The following NME7 variants were observed in gnomAD, a reference collection of about 807,000 sequenced individuals.
NME7 encodes the protein nucleoside diphosphate kinase 7.
Under a neutral mutation model 49.1 loss-of-function variants are expected in NME7, and 41 were observed. That is an observed-to-expected ratio of 0.83 (90% confidence interval 0.65 to 1.08). The LOEUF is 1.08. Among genes scored for constraint, NME7 ranks in the 50% least tolerant of loss-of-function variants. The pLI, the probability that NME7 is intolerant of heterozygous loss-of-function variation, is 0.00. For missense variants in NME7, 423 were observed against 463.4 expected (o/e 0.91, Z 0.80); for synonymous variants, 139 against 150.6 (o/e 0.92, Z 0.56).
intron 1 of NME7, among the ~76,000 whole-genome samples, chr1:169,332,932 A>C (rs1317789477): frequency 1.3e-5 from 2 of 152,050 alleles, no homozygotes; most frequent in Non-Finnish European, 2.9e-5. Context: ...CAGAACTAAA[A>C]ATGATCCAGC....
At chr1:169,291,296 G>A (rs186646888) in intron 6 of NME7, among the ~76,000 whole-genome samples, 213 of 152,254 alleles carry the variant, frequency 1.4e-3, no homozygotes, top group African/African-American at 4.6e-3. Context: ...TAAAGAAAAT[G>A]GGGCACATAT....
intron 7 of NME7, among the ~76,000 whole-genome samples, chr1:169,270,537 TG>T (rs1649457819): frequency 7.4e-6 from 1 of 134,388 alleles, no homozygotes; most frequent in Non-Finnish European, 1.8e-5. Flanking sequence ...ATGTAAATGT[TG>T]GATTTTTGTT....
At chr1:169,163,306 G>A (rs191689422) in intron 11 of NME7, among the ~76,000 whole-genome samples, 90 of 151,840 alleles carry the variant, frequency 5.9e-4, no homozygotes, top group Non-Finnish European at 1.1e-3. Flanking sequence ...ATGACATCTC[G>A]TATGAGTAAC....
At chr1:169,248,639 T>G (rs1484628024) in intron 7 of NME7, among the ~76,000 whole-genome samples, 4 of 152,186 alleles carry the variant, frequency 2.6e-5, no homozygotes, top group Non-Finnish European at 4.4e-5. Flanking sequence ...TTGAACCATC[T>G]TGAGATGATT....
chr1:169,289,275 G>A (rs1010999889), intron 6 of NME7, among the ~76,000 whole-genome samples: 3 of 152,002 alleles, frequency 2.0e-5, no homozygotes, highest in Non-Finnish European at 2.9e-5. Context: ...AGTCTCCTTC[G>A]ATGGTTTTCT....
intron 10 of NME7, among the ~76,000 whole-genome samples, chr1:169,183,733 T>G (rs1571272280): frequency 6.6e-6 from 1 of 150,692 alleles, no homozygotes; most frequent in South Asian, 2.1e-4. Context: ...ACCCGGGAGG[T>G]AGAACTTGCA....
chr1:169,178,820 C>CTTTTT lies in NME7; in HGVS notation c.991-9271_991-9267dup, dbSNP rs57619644. 4.3e-3 allele frequency among the ~76,000 whole-genome samples: 531 copies of CTTTTT among 124,276 alleles called. 16 individuals carry two copies. Among genetic ancestry groups the CTTTTT allele is most frequent in the East Asian group, 6.6e-3 (27 of 4,122 alleles). The allele number at this position is 124,276 out of a possible 152,430, so 81.5% of individuals were successfully genotyped here. A position where few individuals can be genotyped will look rare whatever the true frequency, so the allele number is the denominator to read the frequency against. ...ATTAGACTTCTAGCTGAAACCTCTT[C>CTTTTT]TTTTTTTTTTTTTTTTTTGAGACAG... On this transcript the variant is annotated intron_variant, in intron 10 of 11. Coordinates refer to ENST00000367811, the MANE Select transcript of NME7 (RefSeq NM_013330.5).
intron 7 of NME7, among the ~76,000 whole-genome samples, chr1:169,278,046 C>T (rs1182679807): frequency 1.3e-5 from 2 of 151,810 alleles, no homozygotes; most frequent in African/African-American, 4.8e-5. Context: ...GAGTTTCTGC[C>T]GAGAGATCCG....
At chr1:169,218,049 G>C (rs772798849) in intron 10 of NME7, among the ~76,000 whole-genome samples, 6 of 152,104 alleles carry the variant, frequency 3.9e-5, no homozygotes, top group Non-Finnish European at 7.4e-5. Context: ...AAATATCTCA[G>C]ACTTAAATTT....
intron 11 of NME7, among the ~76,000 whole-genome samples, chr1:169,139,389 T>C: frequency 1.3e-5 from 2 of 152,234 alleles, no homozygotes; most frequent in East Asian, 3.8e-4. Flanking sequence ...CCTAAAGACA[T>C]ATCACTTTGT....
chr1:169,281,825 T>G (rs1650028081), intron 7 of NME7, among the ~76,000 whole-genome samples: 1 of 152,234 alleles, frequency 6.6e-6, no homozygotes, highest in Admixed American at 6.5e-5. Context: ...ATAAGCTTTT[T>G]GATGTGCTGC....
At chr1:169,209,851 C>T (rs952488396) in intron 10 of NME7, among the ~76,000 whole-genome samples, 7 of 152,088 alleles carry the variant, frequency 4.6e-5, no homozygotes, top group African/African-American at 1.7e-4. Context: ...TAGGTTCTCC[C>T]CAGATTTAGG....
chr1:169,234,616 C>A (rs530724083), intron 9 of NME7, among the ~76,000 whole-genome samples: 3 of 152,062 alleles, frequency 2.0e-5, no homozygotes, highest in Non-Finnish European at 2.9e-5. Flanking sequence ...TAGCATTATT[C>A]CCATTTTATA....
chr1:169,305,659 T>C (rs187294501), intron 4 of NME7, among the ~76,000 whole-genome samples: 216 of 152,310 alleles, frequency 1.4e-3, no homozygotes, highest in African/African-American at 5.0e-3. Context: ...GGCTTGTTTA[T>C]TGCTTGCTAA....
chr1:169,199,074 T>C lies in NME7; in HGVS notation c.991-29520A>G, dbSNP rs533317097. On this transcript the variant is annotated intron_variant, in intron 10 of 11. Coordinates refer to ENST00000367811, the MANE Select transcript of NME7 (RefSeq NM_013330.5). ...ATACTTAAACGTACTTAAAGCTACA[T>C]GTGTCTACATCATATTATGTCTATT... is the stretch of plus-strand genomic sequence containing the variant. 3.3e-4 allele frequency among the ~76,000 whole-genome samples: 51 copies of C among 152,264 alleles called. 1 individual carries two copies. Among genetic ancestry groups the C allele is most frequent in the Non-Finnish European group, 6.2e-4 (42 of 68,012 alleles).
At chr1:169,334,340 G>A (rs1571397662) in intron 1 of NME7, among the ~76,000 whole-genome samples, 1 of 152,116 alleles carries the variant, frequency 6.6e-6, no homozygotes, top group Admixed American at 6.6e-5. Context: ...AATCAAAACA[G>A]CATGGTATGG....
chr1:169,163,100 C>T (rs1447820000), intron 11 of NME7, among the ~76,000 whole-genome samples: 1 of 152,034 alleles, frequency 6.6e-6, no homozygotes, highest in Non-Finnish European at 1.5e-5. Flanking sequence ...AACAATGATT[C>T]CCAAAGATGT....
chr1:169,151,068 G>A (rs938519585), intron 11 of NME7, among the ~76,000 whole-genome samples: 1 of 152,180 alleles, frequency 6.6e-6, no homozygotes, highest in African/African-American at 2.4e-5. Context: ...AGCAAGGGAT[G>A]GGCCCTTAGA....
At chr1:169,191,638 G>T (rs1490320505) in intron 10 of NME7, among the ~76,000 whole-genome samples, 1 of 152,132 alleles carries the variant, frequency 6.6e-6, no homozygotes, top group East Asian at 1.9e-4. Flanking sequence ...ATCCAGTCTG[G>T]TATTAATGAA....
Sources: allele counts gnomAD v4.1 joint callset (sites outside exome capture counted in the v4.1 genomes callset), GRCh38; gene constraint gnomAD v4.1.1; transcripts MANE v1.5; gene names NCBI Gene and HGNC (gene_info 2026-07-23, HGNC 2026-07-21).